CHRM3: variants seen among roughly 807,000 people sequenced by gnomAD.
CHRM3 encodes the protein muscarinic acetylcholine receptor M3.
CHRM3 carries 11 observed loss-of-function variants against 41.8 expected under a neutral mutation model. That is an observed-to-expected ratio of 0.26 (90% CI 0.17 to 0.44). CHRM3 has a LOEUF of 0.44. CHRM3 is among the 20% of genes least tolerant of loss of function. The probability of loss-of-function intolerance (pLI) is 1.00; values close to 1 mark genes in which losing one functional copy is unlikely to be tolerated. For synonymous variants in CHRM3, 297 were observed against 301.4 expected, an observed-to-expected ratio of 0.99 and a Z score of 0.15; for missense variants, 571 against 745.4, an observed-to-expected ratio of 0.77 and a Z score of 2.72.
intron 2 of CHRM3, among the ~76,000 whole-genome samples, chr1:239,539,617 C>A (rs1658549953): frequency 6.6e-6 from 1 of 152,044 alleles, no homozygotes; most frequent in Non-Finnish European, 1.5e-5. Context: ...GATTATACTA[C>A]TATTTTGGGG....
intron 1 of CHRM3, among the ~76,000 whole-genome samples, chr1:239,475,722 G>C (rs1243222378): frequency 6.6e-6 from 1 of 152,002 alleles, no homozygotes; most frequent in Non-Finnish European, 1.5e-5. Flanking sequence ...AGAGGGATAT[G>C]GAAACCTGCA....
intron 2 of CHRM3, among the ~76,000 whole-genome samples, chr1:239,541,766 G>A (rs61340852): frequency 0.012 from 1,788 of 152,260 alleles, 29 homozygotes; most frequent in African/African-American, 0.041. Context: ...ACCTGCCTTG[G>A]CCTCCCGAAG....
intron 4 of CHRM3, among the ~76,000 whole-genome samples, chr1:239,666,022 G>A (rs1673762516): frequency 6.6e-6 from 1 of 151,928 alleles, no homozygotes; most frequent in South Asian, 2.1e-4. Context: ...TAATCCTTTG[G>A]GTATATAACC....
At chr1:239,719,139 G>A (rs1662681541) in intron 5 of CHRM3, 1 of 151,962 alleles carries the variant, frequency 6.6e-6, no homozygotes, top group Admixed American at 6.6e-5. Context: ...GTTAGAGTCT[G>A]AGTGTCCGGA....
intron 2 of CHRM3, among the ~76,000 whole-genome samples, chr1:239,532,707 T>C (rs1297278183): frequency 6.6e-6 from 1 of 151,206 alleles, no homozygotes; most frequent in Non-Finnish European, 1.5e-5. Context: ...AAAAATGTAA[T>C]GAAAACTAGA....
chr1:239,473,212 C>T (rs1666243634), intron 1 of CHRM3, among the ~76,000 whole-genome samples: 1 of 143,980 alleles, frequency 6.9e-6, no homozygotes, highest in Admixed American at 7.0e-5. Flanking sequence ...AAGAAATACA[C>T]CATAAGAAGA....
At chr1:239,730,190 A>G (rs904395048) in intron 5 of CHRM3, among the ~76,000 whole-genome samples, 6 of 152,024 alleles carry the variant, frequency 3.9e-5, no homozygotes, top group African/African-American at 1.4e-4. Context: ...ATTGTTTTTT[A>G]TCCTCAATTT....
chr1:239,539,277 A>G lies in CHRM3; in HGVS notation c.-421-6364A>G, dbSNP rs186898889. Among the ~76,000 whole-genome samples, 470 of 152,322 alleles carry G rather than the reference A, an allele frequency of 3.1e-3. 4 individuals are homozygous for G. The highest frequency in any genetic ancestry group is 5.9e-3 in the Non-Finnish European group (399 of 68,032). On this transcript the variant is annotated intron_variant, in intron 2 of 6. Coordinates refer to ENST00000676153, the MANE Select transcript of CHRM3 (RefSeq NM_001375978.1). ...TTGGCCTTTGTTCTCTTGTAATTCA[A>G]TGAGAATAAGAGAATGTCAGTTGCT...
At chr1:239,890,809 A>G (rs549713359) in intron 6 of CHRM3, among the ~76,000 whole-genome samples, 1 of 152,348 alleles carries the variant, frequency 6.6e-6, no homozygotes, top group African/African-American at 2.4e-5. Flanking sequence ...GGAGTTGGCA[A>G]TTGCAAAAAA....
intron 4 of CHRM3, among the ~76,000 whole-genome samples, chr1:239,668,932 A>C (rs2149048144): frequency 6.6e-6 from 1 of 152,320 alleles, no homozygotes; most frequent in South Asian, 2.1e-4. Flanking sequence ...TAAGAAACTG[A>C]AAGGGACATT....
chr1:239,611,924 T>C (rs1312848472), intron 3 of CHRM3, among the ~76,000 whole-genome samples: 3 of 152,214 alleles, frequency 2.0e-5, no homozygotes, highest in Non-Finnish European at 4.4e-5. Flanking sequence ...TAGATTTTAA[T>C]AATTCTAACT....
At chr1:239,654,618 C>G (rs147477513) in intron 4 of CHRM3, among the ~76,000 whole-genome samples, 1 of 152,080 alleles carries the variant, frequency 6.6e-6, no homozygotes, top group African/African-American at 2.4e-5. Flanking sequence ...GGGAAAGTCT[C>G]GAAATCCTGA....
chr1:239,820,534 C>T (rs369262259), intron 5 of CHRM3, among the ~76,000 whole-genome samples: 8 of 152,256 alleles, frequency 5.3e-5, no homozygotes, highest in East Asian at 1.9e-4. Context: ...TAGGCAAATA[C>T]GGGAAGTTCA....
At chr1:239,781,751 A>C (rs1161068053) in intron 5 of CHRM3, among the ~76,000 whole-genome samples, 1 of 152,018 alleles carries the variant, frequency 6.6e-6, no homozygotes, top group Non-Finnish European at 1.5e-5. Context: ...TTAGTTGTGA[A>C]ATTTTTGTAG....
intron 4 of CHRM3, among the ~76,000 whole-genome samples, chr1:239,656,407 G>C (rs552693754): frequency 6.6e-6 from 1 of 151,052 alleles, no homozygotes; most frequent in Non-Finnish European, 1.5e-5. Context: ...AATCACTTGA[G>C]CTCAGGAGTT....
chr1:239,863,766 GCA>G (rs1675836520), intron 6 of CHRM3, among the ~76,000 whole-genome samples: 1 of 152,014 alleles, frequency 6.6e-6, no homozygotes, highest in Non-Finnish European at 1.5e-5. Flanking sequence ...GTAGACAGTG[GCA>G]TAATTCTTTA....
At position 239,881,164 on chromosome 1, in the gene CHRM3, T is replaced by A. The variant is rs1022908418; in HGVS notation, c.-19-26269T>A. Among the ~76,000 whole-genome samples, 13 of 149,996 alleles carry A rather than the reference T, an allele frequency of 8.7e-5. No individual in the cohort carries two copies. In the East Asian group the frequency reaches 1.6e-3, roughly 19 times the overall value. On this transcript the variant is annotated intron_variant, in intron 6 of 6. Transcript: ENST00000676153. ...CGGGCGTGGTGGTGGGCGCCTGTAGTCCCAGCTTCTCGGGAGGCTGAGGCA... is the reference window on the plus strand; with the variant it reads ...CGGGCGTGGTGGTGGGCGCCTGTAGACCCAGCTTCTCGGGAGGCTGAGGCA...
At chr1:239,847,623 C>T (rs898344923) in intron 6 of CHRM3, among the ~76,000 whole-genome samples, 5 of 152,056 alleles carry the variant, frequency 3.3e-5, no homozygotes, top group South Asian at 2.1e-4. Flanking sequence ...CACTTTGGGA[C>T]GCCAAAGTGG....
intron 6 of CHRM3, among the ~76,000 whole-genome samples, chr1:239,893,180 C>T (rs1232727089): frequency 6.6e-6 from 1 of 152,132 alleles, no homozygotes; most frequent in Non-Finnish European, 1.5e-5. Flanking sequence ...CGAGCAGTGC[C>T]TGGCACACAG....
Sources: allele counts gnomAD v4.1 joint callset (sites outside exome capture counted in the v4.1 genomes callset), GRCh38; gene constraint gnomAD v4.1.1; transcripts MANE v1.5; gene names NCBI Gene and HGNC (gene_info 2026-07-23, HGNC 2026-07-21).